BCAS1: variants seen among roughly 807,000 people sequenced by gnomAD.
The protein encoded by BCAS1 is breast carcinoma-amplified sequence 1.
In BCAS1, 46 loss-of-function variants were observed where a neutral mutation model predicts 65.4. The observed-to-expected ratio is 0.70, with a 90% CI of 0.55 to 0.90. The LOEUF is 0.90. BCAS1 is among the 40% of genes least tolerant of loss of function. The probability of loss-of-function intolerance (pLI) is 0.00; values close to 1 mark genes in which losing one functional copy is unlikely to be tolerated. For synonymous variants in BCAS1, 298 were observed against 293.5 expected (o/e 1.02, Z -0.16); for missense variants, 793 against 771.2 (o/e 1.03, Z -0.33).
At chr20:53,948,310 C>T in intron 12 of BCAS1, among the ~76,000 whole-genome samples, 1 of 152,158 alleles carries the variant, frequency 6.6e-6, no homozygotes, top group East Asian at 1.9e-4. Context: ...CTGCCACGGG[C>T]CTGAACTTTG....
At chr20:53,957,290 T>C (rs1440343801) in intron 11 of BCAS1, 142 bp downstream of exon 11, 1 of 734,850 alleles carries the variant, frequency 1.4e-6, no homozygotes, top group Non-Finnish European at 2.4e-6. Context: ...GACCCCAACA[T>C]AGTTCTTGGC....
chr20:54,022,575 G>C (rs74499234), intron 4 of BCAS1, among the ~76,000 whole-genome samples: 1 of 152,136 alleles, frequency 6.6e-6, no homozygotes, highest in Non-Finnish European at 1.5e-5. Context: ...AACAGGCTTA[G>C]GTGACAGATG....
intron 9 of BCAS1, among the ~76,000 whole-genome samples, chr20:53,970,529 C>T (rs141708218): frequency 6.6e-6 from 1 of 152,342 alleles, no homozygotes; most frequent in Non-Finnish European, 1.5e-5. Context: ...ATGACCGCAT[C>T]TGCACATTTT....
Position 54,004,160 on chromosome 20 carries a change from G to A in BCAS1, c.724-8110C>T, listed in dbSNP as rs143137578. On this transcript the variant is annotated intron_variant, in intron 4 of 12. Transcript: ENST00000688948. The stretch of plus-strand genomic sequence containing the variant: ...TGGGGAGATGACTAGGTCATGGGGT[G>A]GAGCCCCCATGAATAGGATTAGTGC... 9.7e-3 allele frequency among the ~76,000 whole-genome samples: 1,470 copies of A among 152,280 alleles called. 14 individuals are homozygous for A. Among genetic ancestry groups the A allele is most frequent in the South Asian group, 0.041 (198 of 4,824 alleles).
intron 3 of BCAS1, among the ~76,000 whole-genome samples, chr20:54,047,164 G>T (rs192717547): frequency 1.2e-4 from 18 of 152,288 alleles, no homozygotes; most frequent in Admixed American, 1.0e-3. Flanking sequence ...ACTAGCTTGG[G>T]CTCTCTCACA....
intron 3 of BCAS1, among the ~76,000 whole-genome samples, chr20:54,039,944 T>G (rs1329935799): frequency 1.3e-5 from 2 of 151,406 alleles, no homozygotes; most frequent in African/African-American, 4.8e-5. Context: ...TAGACATATT[T>G]TCTGATGACT....
intron 3 of BCAS1, among the ~76,000 whole-genome samples, chr20:54,046,624 AC>A (rs1435607281): frequency 6.6e-6 from 1 of 151,622 alleles, no homozygotes; most frequent in Non-Finnish European, 1.5e-5. Context: ...TGGGCAGATC[AC>A]CTGAAGTCAA....
chr20:53,984,860 C>T (rs1217763027), intron 8 of BCAS1, among the ~76,000 whole-genome samples: 1 of 152,130 alleles, frequency 6.6e-6, no homozygotes, highest in Non-Finnish European at 1.5e-5. Context: ...GACCTAGTGG[C>T]TGATAATGAA....
intron 3 of BCAS1, among the ~76,000 whole-genome samples, chr20:54,045,732 A>G (rs2092091908): frequency 6.6e-6 from 1 of 152,278 alleles, no homozygotes; most frequent in Admixed American, 6.5e-5. Context: ...GTGTAATTGT[A>G]ACACATCAAA....
Position 53,944,982 on chromosome 20 carries a change from C to T in BCAS1, c.1830G>A (p.Met610Ile). 1 of 1,614,120 alleles carries T rather than the reference C, an allele frequency of 6.2e-7. No homozygotes were observed. The highest frequency in any genetic ancestry group is 8.5e-7 in the Non-Finnish European group (1 of 1,180,006). Reference protein sequence around the residue: ...GFFKGLGPKRMLDAQVQTDPV... With the variant: ...GFFKGLGPKRILDAQVQTDPV... ...GGTCTGTTTGCACTTGAGCATCCAA[C>T]ATCCGCTTTGGTCCCTGGAGAAAAA... Residue 610 changes from methionine (M) to isoleucine (I), a missense_variant, in exon 13 of 13, where the codon ATG (methionine) becomes ATA (isoleucine). Physicochemically the swap from Met to Ile is conservative, Grantham distance 10. Coordinates refer to ENST00000688948, the MANE Select transcript of BCAS1 (RefSeq NM_001366298.2).
At chr20:54,057,647 G>A (rs957999968) in intron 3 of BCAS1, among the ~76,000 whole-genome samples, 4 of 152,160 alleles carry the variant, frequency 2.6e-5, no homozygotes, top group African/African-American at 7.2e-5. Context: ...GACCTTATTT[G>A]GAAACAGGAT....
rs1222549204 is a variant in BCAS1, at chr20:53,944,022, T to A, written c.*900A>T. ...TGTCACTGAGCCTCAAAAGCAATTG[T>A]TTTCCCAAATCATTTTAAGCCCTCC... On this transcript the variant is annotated 3_prime_UTR_variant, in exon 13 of 13. Transcript: ENST00000688948. The A allele has an allele frequency of 6.6e-6, 1 of 152,092 alleles. No individual in the cohort carries two copies. The highest frequency in any genetic ancestry group is 2.4e-5 in the African/African-American group (1 of 41,406). 9.4% of individuals were successfully genotyped at this position (152,092 alleles called of 1,614,324 possible).
chr20:54,044,837 C>CAAAAAAAAA (rs74179262), intron 3 of BCAS1, among the ~76,000 whole-genome samples: 10 of 132,776 alleles, frequency 7.5e-5, no homozygotes, highest in Admixed American at 2.3e-4. Context: ...GACTCTGTCT[C>CAAAAAAAAA]AAAAAAAAAA....
At chr20:53,957,370 A>G (rs1050317165) in intron 11 of BCAS1, 62 bp downstream of exon 11, 3 of 1,424,960 alleles carry the variant, frequency 2.1e-6, no homozygotes, top group Non-Finnish European at 3.0e-6. Flanking sequence ...TGAAAAGTAT[A>G]CTGTGAAGAA....
chr20:54,022,673 T>C (rs2091587257), intron 4 of BCAS1, among the ~76,000 whole-genome samples: 2 of 152,190 alleles, frequency 1.3e-5, no homozygotes, highest in African/African-American at 4.8e-5. Flanking sequence ...CTCTGTTCAA[T>C]GGCAATAGAA....
intron 12 of BCAS1, 24 bp from the exon 13 acceptor site, chr20:53,945,020 G>C (rs761496482): frequency 1.7e-5 from 27 of 1,608,316 alleles, no homozygotes; most frequent in Non-Finnish European, 2.3e-5. Context: ...GAAAGACGTG[G>C]CAGCCTATTG....
chr20:53,954,171 T>A (rs974855531), intron 11 of BCAS1, among the ~76,000 whole-genome samples: 2 of 152,182 alleles, frequency 1.3e-5, no homozygotes, highest in African/African-American at 4.8e-5. Flanking sequence ...GAGAGGCTGG[T>A]TCCCTTTCTG....
intron 4 of BCAS1, among the ~76,000 whole-genome samples, chr20:54,025,438 G>A (rs977403278): frequency 5.3e-5 from 8 of 152,236 alleles, no homozygotes; most frequent in Middle Eastern, 3.4e-3. Flanking sequence ...TGTAGTAAAC[G>A]CTTCATTTGT....
At chr20:54,028,346 C>G (rs778758935) in intron 4 of BCAS1, 46 bp downstream of exon 4, 32 of 1,603,624 alleles carry the variant, frequency 2.0e-5, no homozygotes, top group Non-Finnish European at 2.6e-5. Context: ...ATTAGCGCCC[C>G]CGAGCATGCA....
Sources: gnomAD v4.1 joint callset for allele counts (sites outside exome capture counted in the v4.1 genomes callset) on GRCh38, gnomAD v4.1.1 for gene constraint, MANE v1.5 for transcripts, NCBI Gene and HGNC (gene_info 2026-07-23, HGNC 2026-07-21) for gene names.